Variants in SH3GL2 observed in about 807,000 individuals in gnomAD.
The protein encoded by SH3GL2 is SH3 domain containing GRB2 like 2, endophilin A1, also known as endophilin-A1.
SH3GL2 carries 24 observed loss-of-function variants against 46.0 expected under a neutral mutation model. That is an observed-to-expected ratio of 0.52 (90% confidence interval 0.38 to 0.73). The LOEUF is 0.73. Ranked by LOEUF, SH3GL2 falls within the 30% of genes least tolerant of loss-of-function variation. The probability of loss-of-function intolerance (pLI) is 0.00; values close to 1 mark genes in which losing one functional copy is unlikely to be tolerated. For missense variants in SH3GL2, 413 were observed against 424.2 expected, an observed-to-expected ratio of 0.97 and a Z score of 0.23; for synonymous variants, 196 against 147.1, an observed-to-expected ratio of 1.33 and a Z score of -2.40.
chr9:17,748,979 A>T (rs906428395), intron 2 of SH3GL2, among the ~76,000 whole-genome samples: 1 of 152,226 alleles, frequency 6.6e-6, no homozygotes, highest in South Asian at 2.1e-4. Flanking sequence ...ATCAGACTGC[A>T]TAGTATTGAT....
At chr9:17,628,963 C>G (rs897943432) in intron 1 of SH3GL2, among the ~76,000 whole-genome samples, 1 of 150,592 alleles carries the variant, frequency 6.6e-6, no homozygotes, top group Admixed American at 6.6e-5. Context: ...TAGTTAATTT[C>G]TAGAAAATTA....
At position 17,710,531 on chromosome 9, in the gene SH3GL2, G is replaced by T. The variant is rs561956861; in HGVS notation, c.46-36535G>T. ...TTAAAACAATGAATTACTATATGAT[G>T]CAGGAATTCTACTTCTAGATGTAGA... On this transcript the variant is annotated intron_variant, in intron 1 of 8. Coordinates refer to ENST00000380607, the MANE Select transcript of SH3GL2 (RefSeq NM_003026.5). Among the ~76,000 whole-genome samples, 8 of 152,010 alleles carry T rather than the reference G, an allele frequency of 5.3e-5. No individual in the cohort carries two copies. The South Asian group carries it at 1.7e-3, about 32-fold the overall frequency.
intron 2 of SH3GL2, among the ~76,000 whole-genome samples, chr9:17,760,441 G>A (rs1009225799): frequency 1.5e-4 from 22 of 151,422 alleles, no homozygotes; most frequent in Non-Finnish European, 2.4e-4. Flanking sequence ...ATTATATACC[G>A]GTATATATTG....
At chr9:17,749,682 G>C (rs1822790574) in intron 2 of SH3GL2, among the ~76,000 whole-genome samples, 1 of 152,150 alleles carries the variant, frequency 6.6e-6, no homozygotes. Flanking sequence ...AGGAAATTTG[G>C]AGAACTGAGT....
At chr9:17,733,365 T>C (rs9696362) in intron 1 of SH3GL2, among the ~76,000 whole-genome samples, 48,261 of 151,492 alleles carry the variant, frequency 0.32, 8,101 homozygotes, top group East Asian at 0.6. Context: ...CATGCTGGTG[T>C]GCTGCACCCA....
intron 1 of SH3GL2, among the ~76,000 whole-genome samples, chr9:17,605,307 A>G (rs62551255): frequency 0.016 from 2,484 of 152,218 alleles, 39 homozygotes; most frequent in Middle Eastern, 0.031. Context: ...AATCCCAGGT[A>G]ATAGACATCC....
At chr9:17,746,242 A>AT (rs1362616803) in intron 1 of SH3GL2, among the ~76,000 whole-genome samples, 1 of 151,832 alleles carries the variant, frequency 6.6e-6, no homozygotes, top group Non-Finnish European at 1.5e-5. Context: ...CGCCCAGCTA[A>AT]TTTTTTTGTA....
intron 1 of SH3GL2, among the ~76,000 whole-genome samples, chr9:17,617,217 GGA>G (rs1377483266): frequency 6.6e-6 from 1 of 152,108 alleles, no homozygotes; most frequent in Non-Finnish European, 1.5e-5. Context: ...TGCTATTGGT[GGA>G]CATTTAAAAT....
chr9:17,651,796 A>G (rs1819966205), intron 1 of SH3GL2, among the ~76,000 whole-genome samples: 1 of 152,090 alleles, frequency 6.6e-6, no homozygotes, highest in Admixed American at 6.6e-5. Flanking sequence ...GATATTGCTT[A>G]ACTTGTTTTA....
At chr9:17,660,762 C>T (rs984701396) in intron 1 of SH3GL2, among the ~76,000 whole-genome samples, 5 of 152,154 alleles carry the variant, frequency 3.3e-5, no homozygotes, top group African/African-American at 1.2e-4. Flanking sequence ...GATACATAAC[C>T]ACACGCAAAC....
chr9:17,611,304 G>A lies in SH3GL2; in HGVS notation c.45+32017G>A, dbSNP rs542808632. ...ATAGGGTAAACGTGGGTACGTGATAGACATATAGGACATTTTGGTTTCTTT... is the reference window on the plus strand; with the variant it reads ...ATAGGGTAAACGTGGGTACGTGATAAACATATAGGACATTTTGGTTTCTTT... On this transcript the variant is annotated intron_variant, in intron 1 of 8. Coordinates refer to ENST00000380607, the MANE Select transcript of SH3GL2 (RefSeq NM_003026.5). Among the ~76,000 whole-genome samples, 167 of 152,252 alleles carry A rather than the reference G, an allele frequency of 1.1e-3. 1 individual carries two copies. The highest frequency in any genetic ancestry group is 3.9e-3 in the African/African-American group (164 of 41,556).
chr9:17,648,369 C>T (rs911615547), intron 1 of SH3GL2, among the ~76,000 whole-genome samples: 1 of 152,172 alleles, frequency 6.6e-6, no homozygotes, highest in Non-Finnish European at 1.5e-5. Flanking sequence ...TTTATATCTA[C>T]ACAAAGGTAC....
At chr9:17,718,839 A>G (rs935053758) in intron 1 of SH3GL2, among the ~76,000 whole-genome samples, 3 of 152,146 alleles carry the variant, frequency 2.0e-5, no homozygotes, top group Admixed American at 6.6e-5. Context: ...ATTCTGGTTC[A>G]GGTGGGTCCT....
intron 3 of SH3GL2, among the ~76,000 whole-genome samples, chr9:17,761,839 A>T (rs1823184279): frequency 6.6e-6 from 1 of 152,224 alleles, no homozygotes; most frequent in South Asian, 2.1e-4. Context: ...TAAGAAGGAA[A>T]ATTAGGATAG....
chr9:17,652,506 G>T (rs1426234163), intron 1 of SH3GL2, among the ~76,000 whole-genome samples: 2 of 152,030 alleles, frequency 1.3e-5, no homozygotes, highest in South Asian at 2.1e-4. Context: ...TGCTCCATGA[G>T]TGCTTCAGAA....
chr9:17,691,365 T>C (rs1821073070), intron 1 of SH3GL2, among the ~76,000 whole-genome samples: 1 of 152,152 alleles, frequency 6.6e-6, no homozygotes, highest in Non-Finnish European at 1.5e-5. Context: ...AAAGATGTGT[T>C]TTGTGTGTCT....
chr9:17,732,227 C>G (rs1201550461), intron 1 of SH3GL2, among the ~76,000 whole-genome samples: 1 of 135,594 alleles, frequency 7.4e-6, no homozygotes, highest in African/African-American at 3.2e-5. Context: ...GGAGTTGTTG[C>G]TAATTACTCT....
At chr9:17,616,435 A>T (rs1336139692) in intron 1 of SH3GL2, among the ~76,000 whole-genome samples, 1 of 152,156 alleles carries the variant, frequency 6.6e-6, no homozygotes, top group Non-Finnish European at 1.5e-5. Flanking sequence ...GGAGAAATCT[A>T]CCCAAACTGA....
At position 17,786,285 on chromosome 9, in the gene SH3GL2, C is replaced by T. The variant is rs1823954536; in HGVS notation, c.188-96C>T. On this transcript the variant is annotated intron_variant, in intron 3 of 8. Coordinates refer to ENST00000380607, the MANE Select transcript of SH3GL2 (RefSeq NM_003026.5). ...GGTACACTTATCAGTAGCTGAGCTA[C>T]TTTGTAGGCTGCTCTGAGACCTGAT... is the stretch of plus-strand genomic sequence containing the variant. 5 of 1,171,236 alleles carry T rather than the reference C, an allele frequency of 4.3e-6. No homozygotes were observed. In the South Asian group the frequency reaches 6.0e-5, roughly 14 times the overall value. The allele number at this position is 1,171,236 out of a possible 1,614,324, so 72.6% of individuals were successfully genotyped here.
Sources: allele counts gnomAD v4.1 joint callset (sites outside exome capture counted in the v4.1 genomes callset), GRCh38; gene constraint gnomAD v4.1.1; transcripts MANE v1.5; gene names NCBI Gene and HGNC (gene_info 2026-07-23, HGNC 2026-07-21).